The following WDR37 variants were observed in gnomAD, a reference collection of about 807,000 sequenced individuals.
The protein encoded by WDR37 is WD repeat domain 37, also known as WD repeat-containing protein 37.
In WDR37, 19 loss-of-function variants were observed where a neutral mutation model predicts 62.9. That is an observed-to-expected ratio of 0.30 (90% CI 0.21 to 0.44). WDR37 has a LOEUF of 0.44. Ranked by LOEUF, WDR37 falls within the 20% of genes least tolerant of loss-of-function variation. The pLI is 1.00. For synonymous variants in WDR37, 250 were observed against 260.9 expected (o/e 0.96, Z 0.40); for missense variants, 474 against 657.6 (o/e 0.72, Z 3.05).
intron 11 of WDR37, among the ~76,000 whole-genome samples, chr10:1,123,068 C>T (rs998256504): frequency 1.3e-5 from 2 of 152,098 alleles, no homozygotes; most frequent in Admixed American, 6.5e-5. Context: ...ATCTTTAGGG[C>T]GTGGGTCTCC....
chr10:1,103,413 C>T lies in WDR37; in HGVS notation c.727-189C>T, dbSNP rs1049490185. Among the ~76,000 whole-genome samples, 2 of 152,022 alleles carry T rather than the reference C, an allele frequency of 1.3e-5. No homozygotes were observed. Among genetic ancestry groups the T allele is most frequent in the Admixed American group, 6.6e-5 (1 of 15,264 alleles). ...TGGTCGTAGAGTTGATGGGTGTTCA[C>T]GGGCAGCAGTTATGGGTCAGAGGAG... On this transcript the variant is annotated intron_variant, in intron 9 of 13. Transcript: ENST00000263150. This position sits in a 1 kb window ranked among gnomAD's most constrained non-coding sequence, Gnocchi z 6.3.
intron 9 of WDR37, among the ~76,000 whole-genome samples, chr10:1,099,285 C>T (rs1046928015): frequency 2.0e-5 from 3 of 152,212 alleles, no homozygotes; most frequent in African/African-American, 7.2e-5. Context: ...GTGCTCAGCC[C>T]CCCCAGTTCG....
At chr10:1,123,862 T>C (rs1284960205) in intron 11 of WDR37, 3 of 209,228 alleles carry the variant, frequency 1.4e-5, no homozygotes, top group African/African-American at 4.6e-5. Flanking sequence ...TTACATTGAT[T>C]GACAGTTGTT....
At position 1,069,389 on chromosome 10, in the gene WDR37, A is replaced by ATATATATATATATTTTTTTTTTTTTTT; in HGVS notation, c.-40-2726_-40-2725insATATATATATATTTTTTTTTTTTTTTT. 5.2e-5 allele frequency among the ~76,000 whole-genome samples: 5 copies of ATATATATATATATTTTTTTTTTTTTTT among 95,776 alleles called. No individual in the cohort carries two copies. The East Asian group carries it at 1.0e-3, about 20-fold the overall frequency. The allele number at this position is 95,776 out of a possible 152,430, so 62.8% of individuals were successfully genotyped here. The stretch of plus-strand genomic sequence containing the variant: ...GGAAAGAATATATATATATATATAT[A>ATATATATATATATTTTTTTTTTTTTTT]TTTTTTTTTTTTTTTTTTGCAGCAG... On this transcript the variant is annotated intron_variant, in intron 1 of 13. Transcript: ENST00000263150.
chr10:1,126,777 C>A (rs80012220), intron 13 of WDR37, among the ~76,000 whole-genome samples: 2,427 of 152,306 alleles, frequency 0.016, 57 homozygotes, highest in African/African-American at 0.05. Flanking sequence ...CCTTTTCTTC[C>A]GGTAGCACAG....
In WDR37 at chr10:1,129,204, C is replaced by G. The variant is rs745897860; in HGVS notation, c.1354-9C>G. ...ATGCACTGATTTTGGTTTGTTTGAT[C>G]ATCACTAGGGCCACAGGAGAATGGT... On this transcript the variant is annotated splice_polypyrimidine_tract_variant and intron_variant, in intron 13 of 13. Coordinates refer to ENST00000263150, the MANE Select transcript of WDR37 (RefSeq NM_014023.4). The G allele has an allele frequency of 2.5e-6, 4 of 1,609,934 alleles. No individual in the cohort carries two copies. The highest frequency in any genetic ancestry group is 3.4e-6 in the Non-Finnish European group (4 of 1,177,412).
intron 13 of WDR37, among the ~76,000 whole-genome samples, chr10:1,126,175 G>A (rs1322670789): frequency 3.9e-5 from 6 of 152,292 alleles, no homozygotes; most frequent in Non-Finnish European, 8.8e-5. Context: ...GGAGGCTGAG[G>A]CGGGCAGATC....
At chr10:1,126,080 G>T (rs1308726009) in intron 13 of WDR37, among the ~76,000 whole-genome samples, 1 of 152,194 alleles carries the variant, frequency 6.6e-6, no homozygotes, top group African/African-American at 2.4e-5. Flanking sequence ...CCCCTGGGAG[G>T]TCACAGGGTC....
At chr10:1,122,577 T>C (rs1835621749) in intron 11 of WDR37, among the ~76,000 whole-genome samples, 1 of 152,262 alleles carries the variant, frequency 6.6e-6, no homozygotes, top group African/African-American at 2.4e-5. Flanking sequence ...TGGCCGTTGC[T>C]GAAGACAGCA....
chr10:1,126,456 T>A (rs1835782442), intron 13 of WDR37, among the ~76,000 whole-genome samples: 1 of 151,686 alleles, frequency 6.6e-6, no homozygotes, highest in Non-Finnish European at 1.5e-5. Context: ...CTGCCCAGCC[T>A]TGTGCGTAAT....
At chr10:1,087,418 T>TA (rs1175933266) in intron 7 of WDR37, among the ~76,000 whole-genome samples, 2 of 152,154 alleles carry the variant, frequency 1.3e-5, no homozygotes, top group Non-Finnish European at 2.9e-5. Context: ...TCAGAAACGT[T>TA]AAAAAAATTA....
chr10:1,088,514 G>A (rs1453445893), intron 7 of WDR37, among the ~76,000 whole-genome samples: 1 of 152,056 alleles, frequency 6.6e-6, no homozygotes, highest in Admixed American at 6.6e-5. Context: ...TGAGAGAAAG[G>A]CTGGTTGGTG....
In WDR37 at chr10:1,077,896, T is replaced by C; in HGVS notation, c.139-11T>C. 6.2e-7 allele frequency: 1 copy of C among 1,600,698 alleles called. No homozygotes were observed. Among genetic ancestry groups the C allele is most frequent in the Non-Finnish European group, 8.5e-7 (1 of 1,173,792 alleles). ...TCATTCATTCATTTTAAACAAAGTC[T>C]TCTTCTGCAGGATTCTAAACTGCCT... On this transcript the variant is annotated splice_polypyrimidine_tract_variant and intron_variant, in intron 2 of 13. Coordinates refer to ENST00000263150, the MANE Select transcript of WDR37 (RefSeq NM_014023.4).
chr10:1,126,376 A>T (rs979720439), intron 13 of WDR37, among the ~76,000 whole-genome samples: 13 of 148,692 alleles, frequency 8.7e-5, no homozygotes, highest in Middle Eastern at 3.4e-3. Context: ...ACTGCACTCC[A>T]GCCTGGGCGA....
At chr10:1,091,543 A>C (rs1421098468) in intron 7 of WDR37, among the ~76,000 whole-genome samples, 3 of 152,202 alleles carry the variant, frequency 2.0e-5, no homozygotes, top group African/African-American at 7.2e-5. Context: ...GATTTGGTCA[A>C]ATTTCCTATA....
At chr10:1,123,213 G>C (rs1835641306) in intron 11 of WDR37, among the ~76,000 whole-genome samples, 1 of 152,176 alleles carries the variant, frequency 6.6e-6, no homozygotes, top group African/African-American at 2.4e-5. Context: ...AAGAGTGGTT[G>C]TGATGTTGAA....
intron 11 of WDR37, among the ~76,000 whole-genome samples, chr10:1,113,716 T>C (rs1835292728): frequency 6.6e-6 from 1 of 152,170 alleles, no homozygotes; most frequent in South Asian, 2.1e-4. Flanking sequence ...ATCCTGAAGA[T>C]GGGACTGAAT....
intron 2 of WDR37, 77 bp from the exon 3 acceptor site, chr10:1,077,830 T>C (rs1833924603): frequency 9.5e-7 from 1 of 1,053,746 alleles, no homozygotes; most frequent in African/African-American, 1.6e-5. Context: ...TAAAAGATAA[T>C]TCACTTTGGA....
chr10:1,068,455 A>G, intron 1 of WDR37, among the ~76,000 whole-genome samples: 1 of 151,948 alleles, frequency 6.6e-6, no homozygotes, highest in Non-Finnish European at 1.5e-5. Flanking sequence ...ACTCTGTCTC[A>G]AAAAAACAAA....
Sources: gnomAD v4.1 joint callset for allele counts (sites outside exome capture counted in the v4.1 genomes callset) on GRCh38, gnomAD v4.1.1 for gene constraint, Gnocchi (gnomAD v3.1) non-coding constraint, MANE v1.5 for transcripts, NCBI Gene and HGNC (gene_info 2026-07-23, HGNC 2026-07-21) for gene names.